ZNF277: variants seen among roughly 807,000 people sequenced by gnomAD.
ZNF277 encodes zinc finger protein 277, also known as nuclear receptor-interacting factor 4.
Under a neutral mutation model 60.7 loss-of-function variants are expected in ZNF277, and 55 were observed. The observed-to-expected ratio is 0.91, with a 90% confidence interval of 0.73 to 1.13. ZNF277 has a LOEUF of 1.13. Ranked by LOEUF, ZNF277 falls within the 50% of genes most tolerant of loss-of-function variation. ZNF277 has a pLI of 0.00. For missense variants in ZNF277, 510 were observed against 523.0 expected (o/e 0.98, Z 0.24); for synonymous variants, 178 against 179.3 (o/e 0.99, Z 0.06).
chr7:112,307,729 A>G, intron 4 of ZNF277, among the ~76,000 whole-genome samples: 1 of 151,794 alleles, frequency 6.6e-6, no homozygotes, highest in Non-Finnish European at 1.5e-5. Context: ...GTTCTCTTGT[A>G]TCTATCTCCT....
chr7:112,293,682 T>G (rs774038342), intron 2 of ZNF277, among the ~76,000 whole-genome samples: 11 of 152,192 alleles, frequency 7.2e-5, no homozygotes, highest in Non-Finnish European at 1.5e-4. Flanking sequence ...ACACAGATAC[T>G]TTTCTAAGAC....
intron 9 of ZNF277, 80 bp from the exon 10 acceptor site, chr7:112,339,763 C>A: frequency 7.2e-7 from 1 of 1,394,276 alleles, no homozygotes; most frequent in Non-Finnish European, 1.0e-6. Context: ...ACTCAAACTC[C>A]TGTGAATAAG....
chr7:112,240,815 A>G (rs1790928364), intron 1 of ZNF277, among the ~76,000 whole-genome samples: 1 of 152,188 alleles, frequency 6.6e-6, no homozygotes, highest in African/African-American at 2.4e-5. Context: ...AGAAGCATGA[A>G]ACTAGACCCT....
chr7:112,248,960 A>C (rs1172858335), intron 1 of ZNF277, among the ~76,000 whole-genome samples: 1 of 152,062 alleles, frequency 6.6e-6, no homozygotes, highest in African/African-American at 2.4e-5. Context: ...TTTCTTACCA[A>C]GTTATCTGTG....
intron 4 of ZNF277, 83 bp downstream of exon 4, chr7:112,296,394 T>TA: frequency 3.0e-6 from 2 of 667,910 alleles, no homozygotes; most frequent in East Asian, 3.4e-5. Context: ...TTTTTTTTTT[T>TA]ACTTTTTGTT....
intron 1 of ZNF277, among the ~76,000 whole-genome samples, chr7:112,240,520 A>T (rs866530561): frequency 1.3e-5 from 2 of 152,230 alleles, no homozygotes; most frequent in African/African-American, 4.8e-5. Context: ...GTATCAAAGT[A>T]TGTACCCCAA....
chr7:112,339,691 GTAGT>G, intron 9 of ZNF277, 148 bp from the exon 10 acceptor site: 2 of 675,982 alleles, frequency 3.0e-6, no homozygotes, highest in Non-Finnish European at 5.0e-6. Context: ...ATGGAGGGAA[GTAGT>G]TAGACTTGGA....
At chr7:112,281,145 G>A (rs1010902323) in intron 1 of ZNF277, among the ~76,000 whole-genome samples, 4 of 152,174 alleles carry the variant, frequency 2.6e-5, no homozygotes, top group Non-Finnish European at 5.9e-5. Context: ...TACCCACACT[G>A]TTATATGATC....
intron 1 of ZNF277, among the ~76,000 whole-genome samples, chr7:112,233,339 C>A (rs568580828): frequency 2.0e-5 from 3 of 152,332 alleles, no homozygotes; most frequent in African/African-American, 7.2e-5. Flanking sequence ...TTAACCATTG[C>A]AAGATACTGT....
intron 4 of ZNF277, 148 bp downstream of exon 4, chr7:112,296,459 C>CAA (rs11393136): frequency 7.6e-6 from 3 of 397,102 alleles, no homozygotes; most frequent in African/African-American, 4.4e-5. Flanking sequence ...GGTCTTAAAA[C>CAA]AAAAAAAAAG....
chr7:112,260,769 A>G (rs1412904345), intron 1 of ZNF277, among the ~76,000 whole-genome samples: 1 of 152,194 alleles, frequency 6.6e-6, no homozygotes, highest in Non-Finnish European at 1.5e-5. Flanking sequence ...GAGGTGGGCT[A>G]GGCGGAGAGC....
intron 5 of ZNF277, among the ~76,000 whole-genome samples, chr7:112,319,490 G>C (rs1792925416): frequency 6.6e-6 from 1 of 151,740 alleles, no homozygotes; most frequent in Admixed American, 6.6e-5. Context: ...CACTGATTCA[G>C]CATACAGGGG....
intron 1 of ZNF277, among the ~76,000 whole-genome samples, chr7:112,271,182 T>C (rs1791661526): frequency 6.6e-6 from 1 of 152,218 alleles, no homozygotes; most frequent in South Asian, 2.1e-4. Context: ...GTACCATTTA[T>C]GTAAACTAGA....
Position 112,318,213 on chromosome 7 carries a change from G to T in ZNF277, c.497G>T (p.Arg166Leu), listed in dbSNP as rs775317613. The T allele has an allele frequency of 2.5e-6, 4 of 1,613,404 alleles. No homozygotes were observed. The highest frequency in any genetic ancestry group is 1.3e-5 in the African/African-American group (1 of 75,006). Residue 166 changes from arginine (R) to leucine (L), a missense_variant, in exon 5 of 12, where the codon CGA becomes CTA. Physicochemically the swap from Arg to Leu is moderately radical, Grantham distance 102 (BLOSUM62 -2). Transcript: ENST00000361822. ...REILEQQQQERNDTNFHGVCM... is the reference protein window; with the variant it reads ...REILEQQQQELNDTNFHGVCM... ...ATTCTGGAACAACAGCAGCAAGAAC[G>T]AAATGATACCAATTTTCATGGCGTT...
chr7:112,332,450 C>A (rs1793247134), intron 7 of ZNF277, among the ~76,000 whole-genome samples: 1 of 152,136 alleles, frequency 6.6e-6, no homozygotes, highest in Non-Finnish European at 1.5e-5. Context: ...ACAATTGAGA[C>A]AAGACTAATA....
At chr7:112,241,569 T>C (rs1790955885) in intron 1 of ZNF277, among the ~76,000 whole-genome samples, 1 of 152,206 alleles carries the variant, frequency 6.6e-6, no homozygotes, top group Non-Finnish European at 1.5e-5. Context: ...TGCAGCACTG[T>C]TGACAATAGC....
chr7:112,291,335 T>C (rs1792201838), intron 2 of ZNF277, among the ~76,000 whole-genome samples: 3 of 152,166 alleles, frequency 2.0e-5, no homozygotes, highest in Non-Finnish European at 1.5e-5. Flanking sequence ...AGGCAAGATA[T>C]TGCAACAAGG....
Position 112,320,870 on chromosome 7 carries a change from T to C in ZNF277, c.557+2597T>C, listed in dbSNP as rs149009687. Among the ~76,000 whole-genome samples the C allele has an allele frequency of 2.3e-4, 35 of 151,748 alleles. No homozygotes were observed. In the East Asian group the frequency reaches 6.2e-3, roughly 27 times the overall value. ...CCTCTATTGTTGCCTTCTTTTGTGT[T>C]GAATAGGTATTTTCTAGTGTATGAT... On this transcript the variant is annotated intron_variant, in intron 5 of 11. Coordinates refer to ENST00000361822, the MANE Select transcript of ZNF277 (RefSeq NM_021994.3).
At chr7:112,317,366 A>G (rs1792867275) in intron 4 of ZNF277, among the ~76,000 whole-genome samples, 1 of 152,162 alleles carries the variant, frequency 6.6e-6, no homozygotes, top group African/African-American at 2.4e-5. Context: ...TATATGTGAG[A>G]GCCATATTTC....
Sources: allele counts gnomAD v4.1 joint callset (sites outside exome capture counted in the v4.1 genomes callset), GRCh38; gene constraint gnomAD v4.1.1; transcripts MANE v1.5; gene names NCBI Gene and HGNC (gene_info 2026-07-23, HGNC 2026-07-21).